Variants in RXFP3 observed in about 807,000 individuals in gnomAD.
RXFP3 encodes the protein relaxin-3 receptor 1.
In RXFP3, 31 loss-of-function variants were observed where a neutral mutation model predicts 27.3. The ratio of observed to expected loss-of-function variants is 1.13; its 90% CI spans 0.85 to 1.53. The LOEUF (loss-of-function observed/expected upper bound fraction) is 1.53, where lower values mean the gene tolerates loss of function less well. Among genes scored for constraint, RXFP3 ranks in the 40% most tolerant of loss-of-function variants. The pLI is 0.00. For synonymous variants in RXFP3, 351 were observed against 293.6 expected (o/e 1.20, Z -2.00); for missense variants, 684 against 642.1 (o/e 1.07, Z -0.70).
chr5:33,938,080 A>G lies in RXFP3; in HGVS notation c.1340A>G (p.Tyr447Cys), dbSNP rs760029249. The change falls in exon 1 of 1, where the codon TAC becomes TGC. Residue 447 changes from tyrosine to cysteine, a missense_variant. By Grantham distance (194) the Tyr-to-Cys change is radical. Transcript: ENST00000330120. Reference sequence around the variant, plus strand: ...GCGGCCGCGGAGCCGGACCTGCTCTACTACCCACCTGGCGTCGTGGTCTAC... The same window carrying G: ...GCGGCCGCGGAGCCGGACCTGCTCTGCTACCCACCTGGCGTCGTGGTCTAC... ...PHAAAEPDLL[Y>C]YPPGVVVYSG... 2.1e-5 allele frequency: 34 copies of G among 1,611,004 alleles called. No individual in the cohort carries two copies. The highest frequency in any genetic ancestry group is 4.0e-5 in the African/African-American group (3 of 75,010).
Position 33,937,898 on chromosome 5 carries a change from C to G in RXFP3, c.1158C>G (p.Pro386=), listed in dbSNP as rs754751680. The part of the protein sequence containing the change: ...CLAHSNSCLN[P]VLYCLVRREF... ...CGCACTCCAACAGCTGCCTCAACCC[C>G]GTCCTCTACTGCCTCGTGCGCCGCG... The change falls in exon 1 of 1, where the codon CCC becomes CCG. Residue 386 remains proline (P), a synonymous_variant. Transcript: ENST00000330120. The G allele has an allele frequency of 3.1e-5, 50 of 1,613,980 alleles. No homozygotes were observed. In the East Asian group the frequency reaches 4.0e-4, roughly 13 times the overall value.
In RXFP3 at chr5:33,936,962, G is replaced by A. The variant is rs752312007; in HGVS notation, c.222G>A (p.Ala74=). 1 of 1,609,158 alleles carries A rather than the reference G, an allele frequency of 6.2e-7. No homozygotes were observed. The change falls in exon 1 of 1, where the codon GCG becomes GCA. Residue 74 remains alanine (A), a synonymous_variant. Coordinates refer to ENST00000330120, the MANE Select transcript of RXFP3 (RefSeq NM_016568.3). ...CGGGCAGCGGCGGGGCAGAGAGCGC[G>A]GACACAGAGGCCCGGGTGCGGATTC... ...HPPGSGGAES[A]DTEARVRILI...
rs1485529081 is a variant in RXFP3, at chr5:33,937,346, C to T, written c.606C>T (p.Cys202=). The part of the protein sequence containing the change: ...RTRGHGRGDC[C]GRSLGDSCCF... ...GAGGACACGGCCGGGGCGACTGCTG[C>T]GGCCGGAGCCTGGGGGACAGCTGCT... Residue 202 remains cysteine, a synonymous_variant, in exon 1 of 1, where the codon TGC becomes TGT. Coordinates refer to ENST00000330120, the MANE Select transcript of RXFP3 (RefSeq NM_016568.3). 2 of 1,612,572 alleles carry T rather than the reference C, an allele frequency of 1.2e-6. No individual in the cohort carries two copies. Among genetic ancestry groups the T allele is most frequent in the South Asian group, 1.1e-5 (1 of 91,044 alleles).
chr5:33,937,330 G>A lies in RXFP3; in HGVS notation c.590G>A (p.Gly197Asp). The A allele has an allele frequency of 1.2e-6, 2 of 1,612,576 alleles. No homozygotes were observed. Among genetic ancestry groups the A allele is most frequent in the Non-Finnish European group, 8.5e-7 (1 of 1,179,902 alleles). ...ALKSHRTRGH[G>D]RGDCCGRSLG... ...AAGAGCCACCGGACCCGAGGACACG[G>A]CCGGGGCGACTGCTGCGGCCGGAGC... The change falls in exon 1 of 1, where the codon GGC (glycine) becomes GAC (aspartate). Residue 197 changes from glycine to aspartate, a missense_variant. Coordinates refer to ENST00000330120, the MANE Select transcript of RXFP3 (RefSeq NM_016568.3).
Position 33,937,806 on chromosome 5 carries a change from G to A in RXFP3, c.1066G>A (p.Ala356Thr). 2.5e-6 allele frequency: 4 copies of A among 1,614,122 alleles called. No homozygotes were observed. The highest frequency in any genetic ancestry group is 3.4e-6 in the Non-Finnish European group (4 of 1,180,022). The change falls in exon 1 of 1, where the codon GCG becomes ACG. Residue 356 changes from alanine (A) to threonine (T), a missense_variant. Physicochemically the swap from Ala to Thr is moderately conservative, Grantham distance 58. Coordinates refer to ENST00000330120, the MANE Select transcript of RXFP3 (RefSeq NM_016568.3). Reference sequence around the variant, plus strand: ...CTGGAGCATCCTCATCAAGTTCAACGCGGTGCCCTTCAGCCAGGAGTATTT... The same window carrying A: ...CTGGAGCATCCTCATCAAGTTCAACACGGTGCCCTTCAGCCAGGAGTATTT... Reference protein sequence around the residue: ...TTWSILIKFNAVPFSQEYFLC... With the variant: ...TTWSILIKFNTVPFSQEYFLC...
At position 33,938,142 on chromosome 5, in the gene RXFP3, G is replaced by A; in HGVS notation, c.1402G>A (p.Ala468Thr). The A allele has an allele frequency of 6.3e-7, 1 of 1,595,376 alleles. No individual in the cohort carries two copies. Among genetic ancestry groups the A allele is most frequent in the Middle Eastern group, 1.8e-4 (1 of 5,698 alleles). Residue 468 changes from alanine (A) to threonine (T), a missense_variant, in exon 1 of 1, where the codon GCC (alanine) becomes ACC (threonine). Ala to Thr is a moderately conservative substitution (Grantham distance 58, BLOSUM62 0). Transcript: ENST00000330120. ...CTACGACCTGCTGCCCAGCAGCTCT[G>A]CCTACTGACGCAGGCCTCAGGCCCA... is the stretch of plus-strand genomic sequence containing the variant. ...GRYDLLPSSS[A>T]Y
rs1044506520 is a variant in RXFP3 at position 33,937,918 on chromosome 5, G to A, written c.1178G>A (p.Arg393His). The A allele has an allele frequency of 3.1e-6, 5 of 1,613,634 alleles. No homozygotes were observed. Among genetic ancestry groups the A allele is most frequent in the Non-Finnish European group, 4.2e-6 (5 of 1,180,028 alleles). The change falls in exon 1 of 1, where the codon CGC (arginine) becomes CAC (histidine). Residue 393 changes from arginine (R) to histidine (H), a missense_variant. Coordinates refer to ENST00000330120, the MANE Select transcript of RXFP3 (RefSeq NM_016568.3). ...AACCCCGTCCTCTACTGCCTCGTGC[G>A]CCGCGAGTTCCGCAAGGCGCTCAAG... is the stretch of plus-strand genomic sequence containing the variant. Reference protein sequence around the residue: ...CLNPVLYCLVRREFRKALKSL... With the variant: ...CLNPVLYCLVHREFRKALKSL...
In RXFP3 at chr5:33,938,066, G is replaced by A; in HGVS notation, c.1326G>A (p.Glu442=). Residue 442 remains glutamate (E), a synonymous_variant, in exon 1 of 1, where the codon GAG becomes GAA. Transcript: ENST00000330120. Reference sequence around the variant, plus strand: ...CGGCGCCGCCCCACGCGGCCGCGGAGCCGGACCTGCTCTACTACCCACCTG... The same window carrying A: ...CGGCGCCGCCCCACGCGGCCGCGGAACCGGACCTGCTCTACTACCCACCTG... ...QAPAPPHAAA[E]PDLLYYPPGV... is the part of the protein sequence containing the mutation. 1 of 1,611,458 alleles carries A rather than the reference G, an allele frequency of 6.2e-7. No individual in the cohort carries two copies. The highest frequency in any genetic ancestry group is 8.5e-7 in the Non-Finnish European group (1 of 1,179,478).
At position 33,937,625 on chromosome 5, in the gene RXFP3, C is replaced by G; in HGVS notation, c.885C>G (p.Ala295=). Residue 295 remains alanine, a synonymous_variant, in exon 1 of 1, where the codon GCC becomes GCG. Coordinates refer to ENST00000330120, the MANE Select transcript of RXFP3 (RefSeq NM_016568.3). ...ACCTGCTGCTGGTGCGCTTCATCGC[C>G]GACCGCCGCGCGGCGGGGACCAAAG... ...LCYLLLVRFI[A]DRRAAGTKGG... is the part of the protein sequence containing the mutation. 1.3e-6 allele frequency: 2 copies of G among 1,588,006 alleles called. No individual in the cohort carries two copies. The highest frequency in any genetic ancestry group is 1.7e-6 in the Non-Finnish European group (2 of 1,167,422).
chr5:33,936,649 C>T lies in RXFP3; in HGVS notation c.-92C>T. The T allele has an allele frequency of 7.9e-7, 1 of 1,266,398 alleles. No individual in the cohort carries two copies. The highest frequency in any genetic ancestry group is 1.1e-6 in the Non-Finnish European group (1 of 931,634). 78.4% of individuals were successfully genotyped at this position (1,266,398 alleles called of 1,614,324 possible). The stretch of plus-strand genomic sequence containing the variant: ...AGTAGCTGCTTTGAAAGCTCCCACG[C>T]ACGTCCCGCAGGCTAGCCTGGCAAC... On this transcript the variant is annotated 5_prime_UTR_variant, in exon 1 of 1. Transcript: ENST00000330120.
Position 33,938,193 on chromosome 5 carries a change from C to A in RXFP3, c.*43C>A, listed in dbSNP as rs764287998. On this transcript the variant is annotated 3_prime_UTR_variant, in exon 1 of 1. Transcript: ENST00000330120. ...GGGCGCGCCGTCGGGGCAAGGTGGCCTTCCCCGGGCGGTAAAGAGGTGAAA... is the reference window on the plus strand; with the variant it reads ...GGGCGCGCCGTCGGGGCAAGGTGGCATTCCCCGGGCGGTAAAGAGGTGAAA... 1.3e-6 allele frequency: 2 copies of A among 1,511,284 alleles called. No homozygotes were observed. The highest frequency in any genetic ancestry group is 1.4e-5 in the African/African-American group (1 of 71,560). 93.6% of individuals were successfully genotyped at this position (1,511,284 alleles called of 1,614,324 possible).
At position 33,938,469 on chromosome 5, in the gene RXFP3, C is replaced by G. The variant is rs983674424; in HGVS notation, c.*319C>G. Among the ~76,000 whole-genome samples, 5 of 152,194 alleles carry G rather than the reference C, an allele frequency of 3.3e-5. No individual in the cohort carries two copies. The highest frequency in any genetic ancestry group is 2.6e-4 in the Admixed American group (4 of 15,280). On this transcript the variant is annotated 3_prime_UTR_variant, in exon 1 of 1. Transcript: ENST00000330120. ...TGAGTAGTGTGGGGGCGCCCAGAAG[C>G]GAAGACAAGCAGCAAAAATGTAGAG...
Position 33,937,572 on chromosome 5 carries a change from C to T in RXFP3, c.832C>T (p.Leu278=). The change falls in exon 1 of 1, where the codon CTG becomes TTG. Residue 278 remains leucine (L), a synonymous_variant. Coordinates refer to ENST00000330120, the MANE Select transcript of RXFP3 (RefSeq NM_016568.3). ...GCAGAAGGTGCTGCTGGGCTTCGTG[C>T]TGCCGCTGGGCATCATTATCTTGTG... ...HSQKVLLGFV[L]PLGIIILCYL... is the part of the protein sequence containing the mutation. 1 of 1,569,704 alleles carries T rather than the reference C, an allele frequency of 6.4e-7. No homozygotes were observed. The highest frequency in any genetic ancestry group is 8.6e-7 in the Non-Finnish European group (1 of 1,157,590).
In RXFP3 at chr5:33,937,078, G is replaced by C; in HGVS notation, c.338G>C (p.Arg113Pro). The C allele has an allele frequency of 6.2e-7, 1 of 1,614,208 alleles. No homozygotes were observed. Among genetic ancestry groups the C allele is most frequent in the Non-Finnish European group, 8.5e-7 (1 of 1,180,024 alleles). ...LYLMKSMQGW[R>P]KSSINLFVTN... is the part of the protein sequence containing the mutation. ...CTGATGAAGAGCATGCAGGGCTGGC[G>C]CAAGTCCTCTATCAACCTCTTCGTC... The change falls in exon 1 of 1, where the codon CGC becomes CCC. Residue 113 changes from arginine to proline, a missense_variant. Physicochemically the swap from Arg to Pro is moderately radical, Grantham distance 103. Transcript: ENST00000330120.
chr5:33,936,779 T>C lies in RXFP3; in HGVS notation c.39T>C (p.Asn13=). 6.5e-7 allele frequency: 1 copy of C among 1,531,946 alleles called. No individual in the cohort carries two copies. Among genetic ancestry groups the C allele is most frequent in the South Asian group, 1.3e-5 (1 of 78,898 alleles). The allele number at this position is 1,531,946 out of a possible 1,614,324, so 94.9% of individuals were successfully genotyped here. ...MADAATIATM[N]KAAGGDKLAE... ...ATGCAGCCACGATAGCCACCATGAA[T>C]AAGGCAGCAGGCGGGGACAAGCTAG... Residue 13 remains asparagine, a synonymous_variant, in exon 1 of 1, where the codon AAT becomes AAC. Transcript: ENST00000330120.
Position 33,937,073 on chromosome 5 carries a change from C to A in RXFP3, c.333C>A (p.Gly111=). The change falls in exon 1 of 1, where the codon GGC becomes GGA. Residue 111 remains glycine, a synonymous_variant. Coordinates refer to ENST00000330120, the MANE Select transcript of RXFP3 (RefSeq NM_016568.3). The part of the protein sequence containing the change: ...LVLYLMKSMQ[G]WRKSSINLFV... ...TCTACCTGATGAAGAGCATGCAGGG[C>A]TGGCGCAAGTCCTCTATCAACCTCT... 6.2e-7 allele frequency: 1 copy of A among 1,614,258 alleles called. No individual in the cohort carries two copies. Among genetic ancestry groups the A allele is most frequent in the Non-Finnish European group, 8.5e-7 (1 of 1,180,046 alleles).
At position 33,937,757 on chromosome 5, in the gene RXFP3, G is replaced by A. The variant is rs1579525547; in HGVS notation, c.1017G>A (p.Trp339Ter). ...TTGTCCTGTCCTTCTTCCTGTGTTG[G>A]CTGCCCAACCAGGCGCTCACCACCT... ...TIVVLSFFLC[W>*]LPNQALTTWS... The change falls in exon 1 of 1, where the codon TGG (tryptophan) becomes TGA (stop). Residue 339 changes from tryptophan (W) to a stop codon, truncating the protein, a stop_gained. Coordinates refer to ENST00000330120, the MANE Select transcript of RXFP3 (RefSeq NM_016568.3). LOFTEE classifies it high-confidence loss of function. 6.2e-7 allele frequency: 1 copy of A among 1,613,988 alleles called. No homozygotes were observed. Among genetic ancestry groups the A allele is most frequent in the South Asian group, 1.1e-5 (1 of 91,072 alleles).
At position 33,938,275 on chromosome 5, in the gene RXFP3, C is replaced by A; in HGVS notation, c.*125C>A. The A allele has an allele frequency of 1.2e-6, 1 of 812,226 alleles. No homozygotes were observed. The highest frequency in any genetic ancestry group is 1.9e-6 in the Non-Finnish European group (1 of 516,598). The allele number at this position is 812,226 out of a possible 1,614,324, so 50.3% of individuals were successfully genotyped here. ...AAGAAGTAGGTGGGAGGAGGATGGG[C>A]AGAGCATGGAGGAGGAGCCTGTGGA... On this transcript the variant is annotated 3_prime_UTR_variant, in exon 1 of 1. Coordinates refer to ENST00000330120, the MANE Select transcript of RXFP3 (RefSeq NM_016568.3).
Position 33,937,455 on chromosome 5 carries a change from G to C in RXFP3, c.715G>C (p.Val239Leu). 1 of 1,610,856 alleles carries C rather than the reference G, an allele frequency of 6.2e-7. No homozygotes were observed. The highest frequency in any genetic ancestry group is 8.5e-7 in the Non-Finnish European group (1 of 1,178,650). Residue 239 changes from valine (V) to leucine (L), a missense_variant, in exon 1 of 1, where the codon GTC becomes CTC. Val to Leu is a conservative substitution (Grantham distance 32, BLOSUM62 1). Coordinates refer to ENST00000330120, the MANE Select transcript of RXFP3 (RefSeq NM_016568.3). ...GCCCAGTGCCATTTTCTCCACCACG[G>C]TCAAGGTGATGGGCGAGGAGCTGTG... The part of the protein sequence containing the change: ...SLPSAIFSTT[V>L]KVMGEELCLV...
Sources: gnomAD v4.1 joint callset for allele counts (sites outside exome capture counted in the v4.1 genomes callset) on GRCh38, gnomAD v4.1.1 for gene constraint, MANE v1.5 for transcripts, NCBI Gene and HGNC (gene_info 2026-07-23, HGNC 2026-07-21) for gene names.